GALNT14: variants seen among roughly 807,000 people sequenced by gnomAD.
GALNT14 encodes the protein UDP-GalNAc:polypeptide N-acetylgalactosaminyltransferase 14.
A neutral mutation model predicts 77.5 loss-of-function variants in GALNT14; 60 were observed. The observed-to-expected ratio is 0.77, with a 90% CI of 0.63 to 0.96. The LOEUF is 0.96. GALNT14 is among the 40% of genes least tolerant of loss of function. The pLI is 0.00. For synonymous variants in GALNT14, 280 were observed against 281.7 expected, an observed-to-expected ratio of 0.99 and a Z score of 0.06; for missense variants, 710 against 731.0, an observed-to-expected ratio of 0.97 and a Z score of 0.33.
rs370578738 is a variant in GALNT14 at position 30,956,020 on chromosome 2, G to A, written c.467-43C>T. The A allele has an allele frequency of 1.4e-5, 22 of 1,597,836 alleles. No individual in the cohort carries two copies. In the African/African-American group the frequency reaches 2.5e-4, roughly 18 times the overall value. ...TAAGCCAATTGAGCGCCCAGGGATG[G>A]ACCTACGTGTTACAATTGTGTGCAC... On this transcript the variant is annotated intron_variant, in intron 4 of 14. Coordinates refer to ENST00000349752, the MANE Select transcript of GALNT14 (RefSeq NM_024572.4).
rs569418566 is a variant in GALNT14, at chr2:31,080,673, A to C, written c.129+57285T>G. ...CTCAGATGACGTGGTTTCTCATCCCAGGCTTTGTGACCTGTGCAAGTCACT... is the reference window on the plus strand; with the variant it reads ...CTCAGATGACGTGGTTTCTCATCCCCGGCTTTGTGACCTGTGCAAGTCACT... On this transcript the variant is annotated intron_variant, in intron 1 of 14. Transcript: ENST00000349752. 5.9e-5 allele frequency among the ~76,000 whole-genome samples: 9 copies of C among 152,344 alleles called. No individual in the cohort carries two copies. The East Asian group carries it at 1.7e-3, about 29-fold the overall frequency.
At chr2:31,124,517 A>G (rs1024079454) in intron 1 of GALNT14, among the ~76,000 whole-genome samples, 1 of 152,126 alleles carries the variant, frequency 6.6e-6, no homozygotes, top group Non-Finnish European at 1.5e-5. Context: ...AGGAACCTCA[A>G]CTCCCTCACT....
At chr2:31,061,426 G>C (rs1674584382) in intron 1 of GALNT14, among the ~76,000 whole-genome samples, 1 of 151,950 alleles carries the variant, frequency 6.6e-6, no homozygotes, top group Non-Finnish European at 1.5e-5. Context: ...CCACAGTCTG[G>C]CTTCCCACGA....
At chr2:30,999,699 C>T (rs1670243048) in intron 1 of GALNT14, among the ~76,000 whole-genome samples, 2 of 152,302 alleles carry the variant, frequency 1.3e-5, no homozygotes, top group Admixed American at 1.3e-4. Context: ...TATGGTAATG[C>T]CTGCCATTCA....
At chr2:31,083,927 G>C (rs567195562) in intron 1 of GALNT14, among the ~76,000 whole-genome samples, 1 of 152,302 alleles carries the variant, frequency 6.6e-6, no homozygotes, top group South Asian at 2.1e-4. Context: ...CTGGTGAAAG[G>C]CTGTGTGGTT....
At chr2:30,897,544 T>G in the GALNT14 span, among the ~76,000 whole-genome samples, 159 of 152,308 alleles carry the variant, frequency 1.0e-3, no homozygotes, top group Non-Finnish European at 1.9e-3. Context: ...CGATATTCCC[T>G]AAATGTTGGT....
intron 1 of GALNT14, among the ~76,000 whole-genome samples, chr2:31,022,184 G>C (rs1671762427): frequency 6.6e-6 from 1 of 152,226 alleles, no homozygotes; most frequent in Non-Finnish European, 1.5e-5. Flanking sequence ...TCAGAAAGGG[G>C]AGGAAGGGAG....
intron 13 of GALNT14, among the ~76,000 whole-genome samples, chr2:30,920,793 A>C (rs1664986078): frequency 6.6e-6 from 1 of 152,182 alleles, no homozygotes; most frequent in Non-Finnish European, 1.5e-5. Context: ...CCTGGAGGGC[A>C]GGGGCTCTGT....
chr2:31,025,450 G>C (rs750459360), intron 1 of GALNT14, among the ~76,000 whole-genome samples: 14 of 152,312 alleles, frequency 9.2e-5, no homozygotes, highest in Non-Finnish European at 1.5e-4. Context: ...GAGAGCACAA[G>C]TGACAAGCTA....
intron 1 of GALNT14, among the ~76,000 whole-genome samples, chr2:31,051,128 A>G (rs952292462): frequency 5.3e-5 from 8 of 152,158 alleles, no homozygotes; most frequent in African/African-American, 1.9e-4. Flanking sequence ...CTCTGGGCAC[A>G]TGTGGTTACA....
intron 1 of GALNT14, among the ~76,000 whole-genome samples, chr2:31,018,569 C>A (rs768463980): frequency 6.6e-6 from 1 of 152,232 alleles, no homozygotes; most frequent in South Asian, 2.1e-4. Context: ...TCCCTTGACA[C>A]GTGGGGATTA....
intron 1 of GALNT14, among the ~76,000 whole-genome samples, chr2:31,044,172 A>G (rs1445222441): frequency 2.0e-5 from 3 of 152,250 alleles, no homozygotes; most frequent in South Asian, 2.1e-4. Flanking sequence ...TGTTATAGAA[A>G]GACAGGCCTT....
At chr2:30,948,687 T>C (rs992160188) in intron 6 of GALNT14, among the ~76,000 whole-genome samples, 14 of 152,200 alleles carry the variant, frequency 9.2e-5, no homozygotes, top group African/African-American at 3.4e-4. Context: ...CCTTTACCCA[T>C]TGCTGGTTTT....
chr2:30,914,543 C>G (rs1572957018), intron 13 of GALNT14, among the ~76,000 whole-genome samples: 2 of 152,290 alleles, frequency 1.3e-5, no homozygotes, highest in East Asian at 3.9e-4. Context: ...GAGAATAGTG[C>G]CCTCTCTAAT....
intron 2 of GALNT14, among the ~76,000 whole-genome samples, chr2:30,974,886 G>T (rs977362921): frequency 7.9e-5 from 12 of 152,224 alleles, no homozygotes; most frequent in Non-Finnish European, 1.5e-5. Context: ...TGAAGAATGA[G>T]TGGAGGGATA....
chr2:30,955,526 C>A (rs1667306978), intron 6 of GALNT14, 92 bp downstream of exon 6: 16 of 1,509,892 alleles, frequency 1.1e-5, no homozygotes, highest in Non-Finnish European at 1.3e-5. Flanking sequence ...CCCAGAAGAA[C>A]TGGGGGTTGC....
At chr2:31,002,322 T>C (rs1296757368) in intron 1 of GALNT14, among the ~76,000 whole-genome samples, 2 of 151,622 alleles carry the variant, frequency 1.3e-5, no homozygotes, top group African/African-American at 4.9e-5. Flanking sequence ...CCCAGCTACT[T>C]GGGAGGCTGA....
chr2:31,081,105 T>C (rs2365192), intron 1 of GALNT14, among the ~76,000 whole-genome samples: 94,130 of 152,066 alleles, frequency 0.62, 30,207 homozygotes, highest in African/African-American at 0.8. Context: ...ATATCTCATT[T>C]CAAATGCATT....
intron 1 of GALNT14, among the ~76,000 whole-genome samples, chr2:31,090,212 G>T (rs1401852417): frequency 1.3e-5 from 2 of 152,122 alleles, no homozygotes; most frequent in Non-Finnish European, 2.9e-5. Flanking sequence ...CAGGCTGGGT[G>T]AGGGCCCCCT....
Sources: allele counts gnomAD v4.1 joint callset (sites outside exome capture counted in the v4.1 genomes callset), GRCh38; gene constraint gnomAD v4.1.1; transcripts MANE v1.5; gene names NCBI Gene and HGNC (gene_info 2026-07-23, HGNC 2026-07-21).